The following QTMAN variants were observed in gnomAD, a reference collection of about 807,000 sequenced individuals.
QTMAN encodes the protein queuosine-tRNA mannosyltransferase.
the QTMAN span, among the ~76,000 whole-genome samples, chr2:144,117,944 C>T: frequency 6.6e-6 from 1 of 152,072 alleles, no homozygotes; most frequent in East Asian, 1.9e-4. Flanking sequence ...CTCCTGGGTT[C>T]ACACCATTCT....
At chr2:144,211,772 C>G in the QTMAN span, among the ~76,000 whole-genome samples, 1 of 151,588 alleles carries the variant, frequency 6.6e-6, no homozygotes, top group East Asian at 1.9e-4. Context: ...AAAAAAAAAA[C>G]CACTTCACTG....
chr2:144,026,024 G>C, the QTMAN span, among the ~76,000 whole-genome samples: 1 of 152,110 alleles, frequency 6.6e-6, no homozygotes. Flanking sequence ...TGGCTTTCTG[G>C]CTTGTGGCTA....
chr2:144,094,470 T>A, the QTMAN span, among the ~76,000 whole-genome samples: 1 of 152,200 alleles, frequency 6.6e-6, no homozygotes, highest in African/African-American at 2.4e-5. Context: ...TTTAATTGAC[T>A]CACAGTTCCA....
the QTMAN span, among the ~76,000 whole-genome samples, chr2:144,149,313 A>T: frequency 6.6e-6 from 1 of 151,960 alleles, no homozygotes; most frequent in Non-Finnish European, 1.5e-5. Context: ...AGCACAAGTT[A>T]AATTGAACAG....
chr2:144,174,610 G>T, the QTMAN span, among the ~76,000 whole-genome samples: 2 of 152,102 alleles, frequency 1.3e-5, no homozygotes, highest in African/African-American at 2.4e-5. Flanking sequence ...ATCCCCACGT[G>T]TTGTGGGAGG....
chr2:144,004,970 C>T, the QTMAN span, among the ~76,000 whole-genome samples: 5 of 152,012 alleles, frequency 3.3e-5, no homozygotes, highest in African/African-American at 4.8e-5. Context: ...CATCTCCAGG[C>T]TAGCAGTGAC....
At chr2:144,306,349 A>T in the QTMAN span, among the ~76,000 whole-genome samples, 1 of 152,212 alleles carries the variant, frequency 6.6e-6, no homozygotes, top group Non-Finnish European at 1.5e-5. Context: ...AATACGATAT[A>T]GACTGGGTGG....
chr2:144,213,666 A>AG, the QTMAN span, among the ~76,000 whole-genome samples: 1 of 152,222 alleles, frequency 6.6e-6, no homozygotes, highest in African/African-American at 2.4e-5. Context: ...TTGATTCCAC[A>AG]GGCTAATCCA....
the QTMAN span, among the ~76,000 whole-genome samples, chr2:144,317,811 C>CT: frequency 2.0e-3 from 308 of 150,924 alleles, no homozygotes; most frequent in African/African-American, 6.4e-3. Flanking sequence ...CTAAAAGATG[C>CT]TTTTTTTTTG....
chr2:144,254,847 T>C, the QTMAN span, among the ~76,000 whole-genome samples: 19 of 152,194 alleles, frequency 1.2e-4, no homozygotes, highest in Non-Finnish European at 1.2e-4. Flanking sequence ...ATGTGAGACA[T>C]GGAGTCAAAG....
chr2:144,093,503 T>C, the QTMAN span, among the ~76,000 whole-genome samples: 11 of 152,242 alleles, frequency 7.2e-5, no homozygotes, highest in African/African-American at 2.2e-4. Context: ...TAACTAAAGT[T>C]AAAAAACAAA....
chr2:144,109,390 T>C, the QTMAN span, among the ~76,000 whole-genome samples: 2 of 152,108 alleles, frequency 1.3e-5, no homozygotes, highest in Non-Finnish European at 2.9e-5. Context: ...ACACAAAAAT[T>C]AATTCAAGAT....
At chr2:144,070,293 A>G in the QTMAN span, among the ~76,000 whole-genome samples, 1 of 152,158 alleles carries the variant, frequency 6.6e-6, no homozygotes, top group Non-Finnish European at 1.5e-5. Flanking sequence ...ATGAAACTGT[A>G]TACAACAAAC....
At chr2:144,247,370 A>G in the QTMAN span, among the ~76,000 whole-genome samples, 1 of 152,276 alleles carries the variant, frequency 6.6e-6, no homozygotes, top group Non-Finnish European at 1.5e-5. Flanking sequence ...ATGAAATACG[A>G]AAAGTCAGAA....
At chr2:144,079,200 C>T in the QTMAN span, among the ~76,000 whole-genome samples, 1 of 152,150 alleles carries the variant, frequency 6.6e-6, no homozygotes, top group South Asian at 2.1e-4. Context: ...CATTATTTGG[C>T]AAGCACATAG....
chr2:144,329,034 G>A, the QTMAN span, among the ~76,000 whole-genome samples: 1 of 152,042 alleles, frequency 6.6e-6, no homozygotes, highest in South Asian at 2.1e-4. Context: ...CAAGGCGGGC[G>A]ATCGAGACCA....
the QTMAN span, among the ~76,000 whole-genome samples, chr2:144,200,817 C>G: frequency 2.6e-5 from 4 of 152,100 alleles, no homozygotes; most frequent in Non-Finnish European, 2.9e-5. Flanking sequence ...TCCAGTAAAA[C>G]TGAGTAACAC....
the QTMAN span, among the ~76,000 whole-genome samples, chr2:144,304,221 T>G: frequency 6.6e-6 from 1 of 152,208 alleles, no homozygotes; most frequent in African/African-American, 2.4e-5. Context: ...GAATCACACC[T>G]TAGAAATAAG....
the QTMAN span, among the ~76,000 whole-genome samples, chr2:144,190,629 CTCTAATAA>C: frequency 1.3e-5 from 2 of 152,138 alleles, no homozygotes; most frequent in Non-Finnish European, 2.9e-5. Context: ...TACAATAAGT[CTCTAATAA>C]TCACTGATGC....
Sources: allele counts gnomAD v4.1 joint callset (sites outside exome capture counted in the v4.1 genomes callset), GRCh38; gene constraint gnomAD v4.1.1; transcripts MANE v1.5; gene names NCBI Gene and HGNC (gene_info 2026-07-23, HGNC 2026-07-21).